Variants in DLGAP2 observed in about 807,000 individuals in gnomAD.
The protein encoded by DLGAP2 is disks large-associated protein 2.
DLGAP2 carries 26 observed loss-of-function variants against 100.3 expected under a neutral mutation model. The observed-to-expected ratio is 0.26, with a 90% CI of 0.19 to 0.36. DLGAP2 has a LOEUF of 0.36. DLGAP2 is among the 10% of genes least tolerant of loss of function. DLGAP2 has a pLI of 1.00. For synonymous variants in DLGAP2, 886 were observed against 630.1 expected, an observed-to-expected ratio of 1.41 and a Z score of -6.08; for missense variants, 1,858 against 1,453.2, an observed-to-expected ratio of 1.28 and a Z score of -4.53.
chr8:746,926 C>T (rs995072687), intron 1 of DLGAP2, among the ~76,000 whole-genome samples: 28 of 152,116 alleles, frequency 1.8e-4, no homozygotes, highest in South Asian at 4.1e-4. Context: ...GCCCTGCAGG[C>T]GTGATGGGGA....
chr8:1,285,829 C>T (rs979350292), intron 3 of DLGAP2, among the ~76,000 whole-genome samples: 6 of 152,044 alleles, frequency 3.9e-5, no homozygotes, highest in African/African-American at 1.2e-4. Context: ...ATGAGCTGGG[C>T]GTAGTGGCAC....
intron 12 of DLGAP2, among the ~76,000 whole-genome samples, chr8:1,682,884 T>C (rs1463360437): frequency 1.3e-5 from 2 of 151,676 alleles, no homozygotes; most frequent in Non-Finnish European, 3.0e-5. Flanking sequence ...CAAATTATAT[T>C]CCCCTAAACA....
intron 2 of DLGAP2, among the ~76,000 whole-genome samples, chr8:1,168,339 C>T (rs1377194962): frequency 6.6e-6 from 1 of 151,924 alleles, no homozygotes; most frequent in Non-Finnish European, 1.5e-5. Flanking sequence ...CCGCAATAAA[C>T]ATACGTGTGC....
At chr8:811,740 A>G (rs965214621) in intron 1 of DLGAP2, among the ~76,000 whole-genome samples, 4 of 151,478 alleles carry the variant, frequency 2.6e-5, no homozygotes, top group African/African-American at 9.7e-5. Flanking sequence ...AGCAGGAACT[A>G]TCTGGGGGCC....
At chr8:1,458,000 ATATATATATATAT>A (rs1798366085) in intron 3 of DLGAP2, among the ~76,000 whole-genome samples, 1 of 133,768 alleles carries the variant, frequency 7.5e-6, no homozygotes, top group Non-Finnish European at 1.5e-5. Context: ...ATATATATAT[ATATATATATATAT>A]AATTTTTTAT....
At chr8:1,071,866 C>G (rs750418184) in intron 2 of DLGAP2, among the ~76,000 whole-genome samples, 1 of 152,204 alleles carries the variant, frequency 6.6e-6, no homozygotes, top group African/African-American at 2.4e-5. Flanking sequence ...TCCTTCTGAC[C>G]TGGCCCTGCA....
chr8:1,228,997 C>T (rs1205841515), intron 2 of DLGAP2, among the ~76,000 whole-genome samples: 1 of 152,014 alleles, frequency 6.6e-6, no homozygotes, highest in South Asian at 2.1e-4. Context: ...TATCTATTTG[C>T]AAGTAACATA....
intron 3 of DLGAP2, among the ~76,000 whole-genome samples, chr8:1,357,677 TTAAGTCTCA>T (rs762040131): frequency 9.2e-5 from 14 of 152,306 alleles, no homozygotes; most frequent in Non-Finnish European, 2.1e-4. Context: ...CTGACGGATT[TTAAGTCTCA>T]TAACATGAGA....
At chr8:1,646,781 G>T (rs1798049291) in intron 8 of DLGAP2, among the ~76,000 whole-genome samples, 1 of 152,114 alleles carries the variant, frequency 6.6e-6, no homozygotes, top group African/African-American at 2.4e-5. Flanking sequence ...TAGTTAGGCT[G>T]GTGTGTCAGG....
chr8:1,168,657 T>C (rs980200153), intron 2 of DLGAP2, among the ~76,000 whole-genome samples: 7 of 147,368 alleles, frequency 4.8e-5, no homozygotes, highest in Non-Finnish European at 7.5e-5. Context: ...TTTCATGTGT[T>C]TTTTGGCTGC....
At chr8:964,293 G>T (rs1481842526) in intron 2 of DLGAP2, among the ~76,000 whole-genome samples, 1 of 152,192 alleles carries the variant, frequency 6.6e-6, no homozygotes, top group Non-Finnish European at 1.5e-5. Context: ...GTGCTTCACA[G>T]AGGGCTATTC....
At chr8:881,281 C>G (rs1797785619) in intron 1 of DLGAP2, among the ~76,000 whole-genome samples, 1 of 152,170 alleles carries the variant, frequency 6.6e-6, no homozygotes, top group African/African-American at 2.4e-5. Flanking sequence ...ATGGAGTTAG[C>G]TTGGCTGTGA....
chr8:1,134,049 A>G (rs995104126), intron 2 of DLGAP2, among the ~76,000 whole-genome samples: 1 of 147,342 alleles, frequency 6.8e-6, no homozygotes, highest in Non-Finnish European at 1.5e-5. Flanking sequence ...TTATGCATCC[A>G]TGAGTTCTCA....
chr8:1,120,781 C>G (rs1016319610), intron 2 of DLGAP2, among the ~76,000 whole-genome samples: 1 of 152,116 alleles, frequency 6.6e-6, no homozygotes, highest in Non-Finnish European at 1.5e-5. Flanking sequence ...TCATTCTAGT[C>G]CCATCCTAGT....
At chr8:1,229,851 G>A (rs1798498717) in intron 2 of DLGAP2, among the ~76,000 whole-genome samples, 1 of 152,042 alleles carries the variant, frequency 6.6e-6, no homozygotes, top group African/African-American at 2.4e-5. Flanking sequence ...CAGAAACTAG[G>A]CATCAAAGGA....
intron 1 of DLGAP2, among the ~76,000 whole-genome samples, chr8:901,353 T>A (rs1798247166): frequency 6.6e-6 from 1 of 152,234 alleles, no homozygotes; most frequent in African/African-American, 2.4e-5. Context: ...CAAATCCATC[T>A]ATTTCTCTAT....
chr8:1,448,734 A>C (rs1296163733), intron 3 of DLGAP2, among the ~76,000 whole-genome samples: 2 of 152,148 alleles, frequency 1.3e-5, no homozygotes, highest in Non-Finnish European at 2.9e-5. Flanking sequence ...TACTTTTTTC[A>C]CTTGGAGACC....
chr8:1,361,964 C>T (rs986995560), intron 3 of DLGAP2, among the ~76,000 whole-genome samples: 2 of 152,200 alleles, frequency 1.3e-5, no homozygotes, highest in African/African-American at 4.8e-5. Context: ...CTCCTGGCTG[C>T]AGGACACCTC....
At chr8:1,602,140 G>A (rs73174735) in intron 6 of DLGAP2, among the ~76,000 whole-genome samples, 20 of 152,276 alleles carry the variant, frequency 1.3e-4, no homozygotes, top group Admixed American at 1.2e-3. Flanking sequence ...GAATGTATAT[G>A]TTCTTAATGC....
Sources: gnomAD v4.1 joint callset for allele counts (sites outside exome capture counted in the v4.1 genomes callset) on GRCh38, gnomAD v4.1.1 for gene constraint, MANE v1.5 for transcripts, NCBI Gene and HGNC (gene_info 2026-07-23, HGNC 2026-07-21) for gene names.